Variants in ZNF804B observed in about 807,000 individuals in gnomAD.
The protein encoded by ZNF804B is zinc finger protein 804B.
ZNF804B carries 80 observed loss-of-function variants against 101.4 expected under a neutral mutation model. That is an observed-to-expected ratio of 0.79 (90% CI 0.66 to 0.95). The LOEUF (loss-of-function observed/expected upper bound fraction) is 0.95. Among genes scored for constraint, ZNF804B ranks in the 40% least tolerant of loss-of-function variants. The pLI is 0.00. For missense variants in ZNF804B, 1,673 were observed against 1,561.9 expected, an observed-to-expected ratio of 1.07 and a Z score of -1.20; for synonymous variants, 622 against 558.8, an observed-to-expected ratio of 1.11 and a Z score of -1.59.
At chr7:89,209,660 C>T (rs1309897607) in intron 1 of ZNF804B, among the ~76,000 whole-genome samples, 1 of 152,150 alleles carries the variant, frequency 6.6e-6, no homozygotes, top group African/African-American at 2.4e-5. Context: ...TAACATTATT[C>T]CAACAGTCTA....
chr7:89,242,753 C>T (rs893614423), intron 2 of ZNF804B, among the ~76,000 whole-genome samples: 1 of 151,694 alleles, frequency 6.6e-6, no homozygotes, highest in Admixed American at 6.6e-5. Context: ...TATAAAATTA[C>T]ATTTATTTCA....
At chr7:89,287,744 A>C (rs1319168281) in intron 2 of ZNF804B, among the ~76,000 whole-genome samples, 1 of 152,158 alleles carries the variant, frequency 6.6e-6, no homozygotes, top group Non-Finnish European at 1.5e-5. Flanking sequence ...AGACACTAAA[A>C]TTTGGATCCA....
At chr7:89,164,866 A>G (rs1791117940) in intron 1 of ZNF804B, among the ~76,000 whole-genome samples, 1 of 152,132 alleles carries the variant, frequency 6.6e-6, no homozygotes. Flanking sequence ...ATTAAGGATA[A>G]TAATAGCACA....
At chr7:89,165,751 A>T (rs55996933) in intron 1 of ZNF804B, among the ~76,000 whole-genome samples, 30,541 of 151,976 alleles carry the variant, frequency 0.2, 3,272 homozygotes, top group Non-Finnish European at 0.22. Flanking sequence ...GGGAACCAGA[A>T]TTAAAAGGCA....
chr7:88,838,813 G>T (rs1357592486), intron 1 of ZNF804B, among the ~76,000 whole-genome samples: 1 of 151,874 alleles, frequency 6.6e-6, no homozygotes, highest in African/African-American at 2.4e-5. Context: ...AAATATAAAA[G>T]TCTCAGAAAC....
At chr7:89,005,908 GACATAATTAGTCTTTAATTT>G (rs1476834695) in intron 1 of ZNF804B, among the ~76,000 whole-genome samples, 4 of 152,012 alleles carry the variant, frequency 2.6e-5, no homozygotes. Flanking sequence ...TTCTCTACAA[GACATAATTAGTCTTTAATTT>G]ACAGAAGAAA....
chr7:89,194,303 G>A (rs1184244795), intron 1 of ZNF804B, among the ~76,000 whole-genome samples: 2 of 151,974 alleles, frequency 1.3e-5, no homozygotes, highest in Non-Finnish European at 2.9e-5. Flanking sequence ...CTGTGCAGAA[G>A]CTCTTTAGTT....
chr7:88,905,895 C>CTT (rs58138257), intron 1 of ZNF804B, among the ~76,000 whole-genome samples: 1 of 81,654 alleles, frequency 1.2e-5, no homozygotes, highest in Non-Finnish European at 2.7e-5. Context: ...TGGGTTGAGG[C>CTT]TTTTTTTTTT....
intron 1 of ZNF804B, among the ~76,000 whole-genome samples, chr7:88,919,426 A>G (rs1260034233): frequency 6.6e-6 from 1 of 152,248 alleles, no homozygotes; most frequent in East Asian, 1.9e-4. Flanking sequence ...AGGCACGATG[A>G]TAAAGGAGCC....
intron 1 of ZNF804B, among the ~76,000 whole-genome samples, chr7:89,043,469 A>C (rs80113489): frequency 0.013 from 1,990 of 152,304 alleles, 24 homozygotes; most frequent in Non-Finnish European, 0.018. Context: ...GTTATAACAA[A>C]ATGGAATATT....
chr7:88,825,020 A>G (rs1247024622), intron 1 of ZNF804B, among the ~76,000 whole-genome samples: 4 of 152,180 alleles, frequency 2.6e-5, no homozygotes, highest in Non-Finnish European at 5.9e-5. Context: ...TTCTAAGCCT[A>G]AACAAAGTCA....
At chr7:89,210,812 C>T (rs534209442) in intron 1 of ZNF804B, among the ~76,000 whole-genome samples, 112 of 152,190 alleles carry the variant, frequency 7.4e-4, no homozygotes, top group African/African-American at 2.5e-3. Context: ...ACATGGTATG[C>T]GTGTATTTCT....
intron 1 of ZNF804B, among the ~76,000 whole-genome samples, chr7:89,042,022 G>A (rs952512183): frequency 2.0e-5 from 3 of 152,134 alleles, no homozygotes; most frequent in Non-Finnish European, 4.4e-5. Context: ...TACCAGAGGA[G>A]TCAAAGTGTT....
intron 1 of ZNF804B, among the ~76,000 whole-genome samples, chr7:88,817,825 C>T (rs1790909026): frequency 6.6e-6 from 1 of 152,148 alleles, no homozygotes; most frequent in African/African-American, 2.4e-5. Flanking sequence ...CAATTTCCCC[C>T]CCTGAACTGA....
At chr7:89,248,537 C>T (rs73399120) in intron 2 of ZNF804B, among the ~76,000 whole-genome samples, 7,161 of 150,810 alleles carry the variant, frequency 0.047, 549 homozygotes, top group African/African-American at 0.16. Flanking sequence ...TCCTCCCAAA[C>T]TAAGCTTCTT....
At chr7:88,808,912 T>C (rs1790732300) in intron 1 of ZNF804B, among the ~76,000 whole-genome samples, 1 of 152,130 alleles carries the variant, frequency 6.6e-6, no homozygotes, top group Non-Finnish European at 1.5e-5. Flanking sequence ...ACTGACAAAA[T>C]AGTCAGCAAC....
chr7:88,843,343 G>C (rs1562809060), intron 1 of ZNF804B, among the ~76,000 whole-genome samples: 1 of 152,112 alleles, frequency 6.6e-6, no homozygotes, highest in Non-Finnish European at 1.5e-5. Context: ...ACTTAAGTAA[G>C]TAGATCTATG....
intron 1 of ZNF804B, among the ~76,000 whole-genome samples, chr7:88,924,732 T>C (rs1264731773): frequency 6.6e-6 from 1 of 152,150 alleles, no homozygotes. Context: ...TTTTTACTCA[T>C]AGAAGTAGTA....
chr7:88,897,033 G>A (rs770719656), intron 1 of ZNF804B, among the ~76,000 whole-genome samples: 10 of 152,110 alleles, frequency 6.6e-5, no homozygotes, highest in South Asian at 2.1e-4. Context: ...AGAGATGTTC[G>A]ATAAACTTAT....
Sources: gnomAD v4.1 joint callset for allele counts (sites outside exome capture counted in the v4.1 genomes callset) on GRCh38, gnomAD v4.1.1 for gene constraint, MANE v1.5 for transcripts, NCBI Gene and HGNC (gene_info 2026-07-23, HGNC 2026-07-21) for gene names.